KLHL14: variants seen among roughly 807,000 people sequenced by gnomAD.
KLHL14 encodes the protein kelch like family member 14, also known as kelch-like protein 14.
Under a neutral mutation model 64.3 loss-of-function variants are expected in KLHL14, and 22 were observed. The ratio of observed to expected loss-of-function variants is 0.34; its 90% CI spans 0.24 to 0.49. KLHL14 has a LOEUF of 0.49. Ranked by LOEUF, KLHL14 falls within the 20% of genes least tolerant of loss-of-function variation. KLHL14 has a pLI of 0.99. For missense variants in KLHL14, 661 were observed against 789.0 expected, an observed-to-expected ratio of 0.84 and a Z score of 1.94; for synonymous variants, 322 against 333.4, an observed-to-expected ratio of 0.97 and a Z score of 0.37.
chr18:32,689,258 T>C (rs2049895266), intron 4 of KLHL14, among the ~76,000 whole-genome samples: 1 of 152,096 alleles, frequency 6.6e-6, no homozygotes, highest in Non-Finnish European at 1.5e-5. Flanking sequence ...AGCATAGGAT[T>C]GAGTGAAATC....
At chr18:32,726,305 C>T (rs1012414646) in intron 3 of KLHL14, among the ~76,000 whole-genome samples, 1 of 152,146 alleles carries the variant, frequency 6.6e-6, no homozygotes, top group Non-Finnish European at 1.5e-5. Context: ...TGAGGACTGA[C>T]CCCTGGATAG....
chr18:32,759,382 G>A (rs977169406), intron 2 of KLHL14, among the ~76,000 whole-genome samples: 9 of 152,076 alleles, frequency 5.9e-5, no homozygotes, highest in African/African-American at 2.2e-4. Flanking sequence ...CCTAACAAGT[G>A]AACAGAAAGG....
chr18:32,772,231 G>C (rs2050393408), intron 1 of KLHL14: 1 of 398,296 alleles, frequency 2.5e-6, no homozygotes, highest in Non-Finnish European at 5.1e-6. Context: ...TGGATCGCCG[G>C]CTTCCTATTT....
intron 2 of KLHL14, 75 bp from the exon 3 acceptor site, chr18:32,742,124 C>G: frequency 6.8e-7 from 1 of 1,461,978 alleles, no homozygotes; most frequent in Non-Finnish European, 9.3e-7. Context: ...AAATCATAAC[C>G]ATCAAAGAAT....
At chr18:32,691,867 A>G (rs2049909431) in intron 4 of KLHL14, among the ~76,000 whole-genome samples, 1 of 152,126 alleles carries the variant, frequency 6.6e-6, no homozygotes, top group African/African-American at 2.4e-5. Context: ...CCCTGTCACC[A>G]GACACCATTG....
In KLHL14 at chr18:32,770,072, C is replaced by T. The variant is rs1166089889; in HGVS notation, c.520G>A (p.Val174Met). ...LHIPQVTKLC[V>M]QFLNDQISVQ... Reference sequence around the variant, plus strand: ...GAGATCTGGTCGTTGAGGAACTGCACGCAGAGCTTGGTGACCTGGGGGATG... The same window carrying T: ...GAGATCTGGTCGTTGAGGAACTGCATGCAGAGCTTGGTGACCTGGGGGATG... The change falls in exon 2 of 9, where the codon GTG (valine) becomes ATG (methionine). Residue 174 changes from valine to methionine, a missense_variant. Val to Met is a conservative substitution (Grantham distance 21). Transcript: ENST00000359358. The surrounding 1 kb of genome is among the most constrained non-coding windows in gnomAD (Gnocchi z 6.7). 6 of 1,614,108 alleles carry T rather than the reference C, an allele frequency of 3.7e-6. No individual in the cohort carries two copies. The highest frequency in any genetic ancestry group is 5.1e-6 in the Non-Finnish European group (6 of 1,180,008).
At chr18:32,759,527 G>A (rs1056736308) in intron 2 of KLHL14, among the ~76,000 whole-genome samples, 2 of 152,164 alleles carry the variant, frequency 1.3e-5, no homozygotes, top group African/African-American at 4.8e-5. Flanking sequence ...AATGAAGTGG[G>A]TATTATGATG....
In KLHL14 at chr18:32,718,517, G is replaced by A. The variant is rs118132620; in HGVS notation, c.1070-22965C>T. ...AATGTGTAGGTGACATACTGAGCAA[G>A]CTAATCTTGCTTATGATTAGCAAGA... On this transcript the variant is annotated intron_variant, in intron 3 of 8. Transcript: ENST00000359358. Among the ~76,000 whole-genome samples, 745 of 152,268 alleles carry A rather than the reference G, an allele frequency of 4.9e-3. 6 individuals carry two copies. Among genetic ancestry groups the A allele is most frequent in the Middle Eastern group, 0.027 (8 of 294 alleles).
chr18:32,770,071 A>T lies in KLHL14; in HGVS notation c.521T>A (p.Val174Glu). The change falls in exon 2 of 9, where the codon GTG becomes GAG. Residue 174 changes from valine to glutamate, a missense_variant. Coordinates refer to ENST00000359358, the MANE Select transcript of KLHL14 (RefSeq NM_020805.3). The surrounding 1 kb of genome is among the most constrained non-coding windows in gnomAD (Gnocchi z 6.7). The stretch of plus-strand genomic sequence containing the variant: ...CGAGATCTGGTCGTTGAGGAACTGC[A>T]CGCAGAGCTTGGTGACCTGGGGGAT... ...LHIPQVTKLC[V>E]QFLNDQISVQ... 6.2e-7 allele frequency: 1 copy of T among 1,614,136 alleles called. No individual in the cohort carries two copies.
At chr18:32,750,411 T>C (rs1019680014) in intron 2 of KLHL14, among the ~76,000 whole-genome samples, 1 of 152,212 alleles carries the variant, frequency 6.6e-6, no homozygotes, top group Non-Finnish European at 1.5e-5. Context: ...TACAAAGTAC[T>C]CATTTGAAAA....
chr18:32,722,280 G>A (rs79078372), intron 3 of KLHL14, among the ~76,000 whole-genome samples: 3,110 of 152,230 alleles, frequency 0.02, 50 homozygotes, highest in Non-Finnish European at 0.031. Flanking sequence ...TGACCATCAG[G>A]AGGCCCCAGC....
intron 3 of KLHL14, among the ~76,000 whole-genome samples, chr18:32,724,358 G>A (rs973985866): frequency 1.1e-4 from 17 of 152,188 alleles, no homozygotes; most frequent in African/African-American, 4.1e-4. Context: ...ATATTACCCA[G>A]AGTGGTGATG....
At chr18:32,677,395 G>T in intron 7 of KLHL14, 65 bp from the exon 8 acceptor site, 2 of 1,435,172 alleles carry the variant, frequency 1.4e-6, no homozygotes, top group Non-Finnish European at 1.9e-6. Flanking sequence ...TTAAGGCTAG[G>T]GCTTCTTTTA....
chr18:32,704,721 C>CA (rs1272184890), intron 3 of KLHL14, among the ~76,000 whole-genome samples: 261 of 149,988 alleles, frequency 1.7e-3, no homozygotes, highest in African/African-American at 5.6e-3. Context: ...GACTCTGTCT[C>CA]AAAAAAAAAG....
At chr18:32,698,689 C>T (rs1187840266) in intron 3 of KLHL14, among the ~76,000 whole-genome samples, 3 of 151,982 alleles carry the variant, frequency 2.0e-5, no homozygotes, top group Admixed American at 6.6e-5. Flanking sequence ...AGGCCCTTTG[C>T]GAGACTTCTC....
At chr18:32,766,180 T>C (rs979973927) in intron 2 of KLHL14, among the ~76,000 whole-genome samples, 2 of 152,050 alleles carry the variant, frequency 1.3e-5, no homozygotes, top group Admixed American at 1.3e-4. Context: ...TGAGGTGCAA[T>C]GAAAATGTAA....
chr18:32,771,459 C>T (rs932886872), intron 1 of KLHL14, among the ~76,000 whole-genome samples: 3 of 152,152 alleles, frequency 2.0e-5, no homozygotes, highest in Non-Finnish European at 4.4e-5. Context: ...CTCAGTTTGG[C>T]TAATTTTCCA....
At chr18:32,748,554 A>G (rs534133343) in intron 2 of KLHL14, among the ~76,000 whole-genome samples, 3 of 151,954 alleles carry the variant, frequency 2.0e-5, no homozygotes, top group South Asian at 4.2e-4. Flanking sequence ...TATATTTAGT[A>G]GAGACTGGGT....
At chr18:32,722,364 A>G (rs1397162442) in intron 3 of KLHL14, among the ~76,000 whole-genome samples, 1 of 152,136 alleles carries the variant, frequency 6.6e-6, no homozygotes, top group Non-Finnish European at 1.5e-5. Flanking sequence ...GCTGTGAGCA[A>G]CAACAACCAA....
Sources: gnomAD v4.1 joint callset for allele counts (sites outside exome capture counted in the v4.1 genomes callset) on GRCh38, gnomAD v4.1.1 for gene constraint, Gnocchi (gnomAD v3.1) non-coding constraint, MANE v1.5 for transcripts, NCBI Gene and HGNC (gene_info 2026-07-23, HGNC 2026-07-21) for gene names.